Variants in PPFIA1 observed in about 807,000 individuals in gnomAD.
PPFIA1 encodes the protein liprin-alpha-1.
In PPFIA1, 25 loss-of-function variants were observed where a neutral mutation model predicts 149.9. The ratio of observed to expected loss-of-function variants is 0.17; its 90% CI spans 0.12 to 0.23. The LOEUF (loss-of-function observed/expected upper bound fraction) is 0.23. PPFIA1 is among the 10% of genes least tolerant of loss of function. The pLI, the probability that PPFIA1 is intolerant of heterozygous loss-of-function variation, is 1.00. For synonymous variants in PPFIA1, 549 were observed against 552.8 expected, an observed-to-expected ratio of 0.99 and a Z score of 0.10; for missense variants, 1,362 against 1,506.5, an observed-to-expected ratio of 0.90 and a Z score of 1.59.
At chr11:70,379,492 AG>A (rs2057620282) in intron 26 of PPFIA1, among the ~76,000 whole-genome samples, 1 of 151,766 alleles carries the variant, frequency 6.6e-6, no homozygotes, top group Non-Finnish European at 1.5e-5. Flanking sequence ...AGTGCTAATT[AG>A]GGGCCAAGCA....
At chr11:70,294,121 T>A (rs536287010) in intron 2 of PPFIA1, among the ~76,000 whole-genome samples, 5 of 152,126 alleles carry the variant, frequency 3.3e-5, no homozygotes, top group African/African-American at 1.2e-4. Context: ...TTTGTATTTT[T>A]TGTAGACACA....
chr11:70,307,377 T>C (rs1181322772), intron 2 of PPFIA1, among the ~76,000 whole-genome samples: 1 of 152,190 alleles, frequency 6.6e-6, no homozygotes, highest in Admixed American at 6.5e-5. Context: ...GCCAGGAAGC[T>C]GTAAAAAGGG....
intron 2 of PPFIA1, among the ~76,000 whole-genome samples, chr11:70,309,734 A>G (rs746464685): frequency 1.3e-5 from 2 of 152,172 alleles, no homozygotes; most frequent in Non-Finnish European, 2.9e-5. Flanking sequence ...TGCCAAGTGA[A>G]AGAAGCCAGG....
intron 21 of PPFIA1, among the ~76,000 whole-genome samples, chr11:70,368,474 C>T (rs767917010): frequency 6.6e-6 from 1 of 152,128 alleles, no homozygotes; most frequent in Non-Finnish European, 1.5e-5. Flanking sequence ...TGACTGGTGA[C>T]CATAACTTAG....
chr11:70,285,365 G>C (rs72945168), intron 2 of PPFIA1, among the ~76,000 whole-genome samples: 33,107 of 151,832 alleles, frequency 0.22, 5,474 homozygotes, highest in African/African-American at 0.46. Context: ...CAAGTGCATG[G>C]GTTTGGGCTA....
chr11:70,353,933 A>G (rs759395710), intron 16 of PPFIA1, among the ~76,000 whole-genome samples: 1 of 152,172 alleles, frequency 6.6e-6, no homozygotes, highest in African/African-American at 2.4e-5. Context: ...GCTGTCTCAC[A>G]TTTGTAACGA....
intron 17 of PPFIA1, among the ~76,000 whole-genome samples, chr11:70,354,745 C>T (rs2056262833): frequency 6.6e-6 from 1 of 151,798 alleles, no homozygotes; most frequent in Non-Finnish European, 1.5e-5. Context: ...AAATTGACTA[C>T]TTTCTATTCT....
intron 7 of PPFIA1, among the ~76,000 whole-genome samples, chr11:70,329,455 A>AT (rs1445987278): frequency 1.3e-5 from 2 of 151,636 alleles, no homozygotes; most frequent in African/African-American, 2.4e-5. Context: ...TTATTTATTT[A>AT]TTTATTTTTG....
intron 16 of PPFIA1, among the ~76,000 whole-genome samples, chr11:70,352,692 C>T (rs893303924): frequency 6.6e-6 from 1 of 150,754 alleles, no homozygotes; most frequent in Admixed American, 6.6e-5. Flanking sequence ...AGGCAGAAGT[C>T]TGGCACGTGA....
rs1223520574 is a variant in PPFIA1, at chr11:70,296,439, G to GGAGGCC, written c.264+24009_264+24014dup. ...CACTGTCTGCAATCCCAGCACCTCT[G>GGAGGCC]GAGGCCGAGGCTGGCGGACCACTCG... On this transcript the variant is annotated intron_variant, in intron 2 of 27. Coordinates refer to ENST00000253925, the MANE Select transcript of PPFIA1 (RefSeq NM_003626.5). Among the ~76,000 whole-genome samples the GGAGGCC allele has an allele frequency of 4.6e-5, 7 of 152,320 alleles. No individual in the cohort carries two copies. In the South Asian group the frequency reaches 1.0e-3, roughly 23 times the overall value.
At chr11:70,277,245 G>A (rs7941933) in intron 2 of PPFIA1, among the ~76,000 whole-genome samples, 20,698 of 150,774 alleles carry the variant, frequency 0.14, 1,590 homozygotes, top group Admixed American at 0.18. Flanking sequence ...TCAACTCCTG[G>A]CCTCAGGTGA....
chr11:70,320,375 T>C (rs1377765564), intron 2 of PPFIA1, among the ~76,000 whole-genome samples: 1 of 152,104 alleles, frequency 6.6e-6, no homozygotes, highest in Non-Finnish European at 1.5e-5. Flanking sequence ...AAGTGGGTTC[T>C]TACAGGGGTA....
chr11:70,301,246 C>T (rs1239558021), intron 2 of PPFIA1, among the ~76,000 whole-genome samples: 1 of 152,188 alleles, frequency 6.6e-6, no homozygotes, highest in Non-Finnish European at 1.5e-5. Flanking sequence ...TGCTAGCCTG[C>T]ACAAAGTAGA....
intron 2 of PPFIA1, among the ~76,000 whole-genome samples, chr11:70,291,748 C>G (rs2051537855): frequency 6.6e-6 from 1 of 152,096 alleles, no homozygotes; most frequent in African/African-American, 2.4e-5. Context: ...CAGCTCACCA[C>G]AGCCTCCACC....
intron 2 of PPFIA1, among the ~76,000 whole-genome samples, chr11:70,291,126 C>T (rs969744102): frequency 6.6e-6 from 1 of 152,160 alleles, no homozygotes; most frequent in African/African-American, 2.4e-5. Flanking sequence ...CTCAGGTTAT[C>T]CACCAGCTCC....
At chr11:70,366,307 C>T (rs1021369528) in intron 21 of PPFIA1, among the ~76,000 whole-genome samples, 26 of 152,254 alleles carry the variant, frequency 1.7e-4, no homozygotes, top group African/African-American at 5.5e-4. Context: ...AATGTTATTA[C>T]AAGATATACT....
intron 15 of PPFIA1, among the ~76,000 whole-genome samples, chr11:70,344,991 G>A (rs1392708843): frequency 1.3e-5 from 2 of 151,926 alleles, no homozygotes; most frequent in Non-Finnish European, 2.9e-5. Flanking sequence ...AGGCCTCGGG[G>A]CCATCAGCCA....
intron 2 of PPFIA1, among the ~76,000 whole-genome samples, chr11:70,309,695 TACA>T (rs1343277216): frequency 2.0e-5 from 3 of 151,898 alleles, no homozygotes; most frequent in African/African-American, 7.3e-5. Flanking sequence ...TACCATATGC[TACA>T]ACATGTCCGA....
rs144018088 is a variant in PPFIA1 at position 70,378,400 on chromosome 11, G to A, written c.3550+205G>A. On this transcript the variant is annotated intron_variant, in intron 26 of 27. Coordinates refer to ENST00000253925, the MANE Select transcript of PPFIA1 (RefSeq NM_003626.5). ...CATAATAATAGAATTTTTAAAACAC[G>A]CTTGTCTGGTTGAATCTTAGCATAT... 5.7e-4 allele frequency: 739 copies of A among 1,289,606 alleles called. 2 individuals are homozygous for A. In the African/African-American group the frequency reaches 9.7e-3, roughly 17 times the overall value. The allele number at this position is 1,289,606 out of a possible 1,614,324, so 79.9% of individuals were successfully genotyped here.
Sources: allele counts gnomAD v4.1 joint callset (sites outside exome capture counted in the v4.1 genomes callset), GRCh38; gene constraint gnomAD v4.1.1; transcripts MANE v1.5; gene names NCBI Gene and HGNC (gene_info 2026-07-23, HGNC 2026-07-21).